The following CNOT2 variants were observed in gnomAD, a reference collection of about 807,000 sequenced individuals.
CNOT2 encodes the protein CCR4-NOT transcription complex subunit 2.
CNOT2 carries 7 observed loss-of-function variants against 72.1 expected under a neutral mutation model. The ratio of observed to expected loss-of-function variants is 0.10; its 90% CI spans 0.06 to 0.18. CNOT2 has a LOEUF of 0.18. Ranked by LOEUF, CNOT2 falls within the 10% of genes least tolerant of loss-of-function variation. CNOT2 has a pLI of 1.00. For missense variants in CNOT2, 345 were observed against 660.3 expected, an observed-to-expected ratio of 0.52 and a Z score of 5.23; for synonymous variants, 196 against 225.6, an observed-to-expected ratio of 0.87 and a Z score of 1.17.
chr12:70,342,165 A>G lies in CNOT2; in HGVS notation c.1237A>G (p.Ile413Val), dbSNP rs777808559. 2.5e-6 allele frequency: 4 copies of G among 1,611,014 alleles called. No homozygotes were observed. The Admixed American group carries it at 5.0e-5, about 20-fold the overall frequency. ...ATCTTCACCTTGTCGACCTCAAGAC[A>G]TAGGTAGGAGAATCTATTTGTGTTT... ...WASSPCRPQD[I>V]DFHVPSEYLT... Residue 413 changes from isoleucine (I) to valine (V), a missense_variant, in exon 12 of 16, where the codon ATA becomes GTA. This residue lies in a region of CNOT2 where 128 missense variants were observed against 233.0 expected (regional missense o/e 0.55). Transcript: ENST00000229195.
In CNOT2 at chr12:70,346,377, G is replaced by A. The variant is rs751508651; in HGVS notation, c.1536+53G>A. The A allele has an allele frequency of 3.4e-6, 5 of 1,458,744 alleles. No homozygotes were observed. The African/African-American group carries it at 5.6e-5, about 16-fold the overall frequency. The allele number at this position is 1,458,744 out of a possible 1,614,324, so 90.4% of individuals were successfully genotyped here. On this transcript the variant is annotated intron_variant, in intron 15 of 15. Coordinates refer to ENST00000229195, the MANE Select transcript of CNOT2 (RefSeq NM_014515.7). ...TAAATCTAAACTTGAAAAAAGAAGT[G>A]TCCTCTTTTATCTGTTTATAAGTAC... is the stretch of plus-strand genomic sequence containing the variant.
rs1015265142 is a variant in CNOT2 at position 70,291,033 on chromosome 12, A to G, written c.48+12759A>G. 1.9e-4 allele frequency among the ~76,000 whole-genome samples: 29 copies of G among 152,202 alleles called. 1 individual carries two copies. The highest frequency in any genetic ancestry group is 7.4e-5 in the Non-Finnish European group (5 of 68,026). On this transcript the variant is annotated intron_variant, in intron 2 of 15. Coordinates refer to ENST00000229195, the MANE Select transcript of CNOT2 (RefSeq NM_014515.7). Reference sequence around the variant, plus strand: ...GAAAAATAAAACAGTACAGGTCAGTAAATGAATTCCAGTTCTTATGTAGAA... The same window carrying G: ...GAAAAATAAAACAGTACAGGTCAGTGAATGAATTCCAGTTCTTATGTAGAA...
intron 8 of CNOT2, chr12:70,336,625 T>C (rs1205139947): frequency 6.6e-6 from 1 of 151,942 alleles, no homozygotes; most frequent in Non-Finnish European, 1.5e-5. Flanking sequence ...AGTTTCCAAA[T>C]TAGTCTCCCC....
intron 1 of CNOT2, among the ~76,000 whole-genome samples, chr12:70,252,300 C>A (rs1337074090): frequency 6.6e-6 from 1 of 152,096 alleles, no homozygotes; most frequent in Non-Finnish European, 1.5e-5. Flanking sequence ...AATCCTCCCA[C>A]CTAAGCCTCC....
At chr12:70,289,478 G>A (rs1480111377) in intron 2 of CNOT2, among the ~76,000 whole-genome samples, 1 of 151,850 alleles carries the variant, frequency 6.6e-6, no homozygotes, top group Admixed American at 6.5e-5. Flanking sequence ...TCTTGAATTT[G>A]TATGTTTATA....
chr12:70,263,545 T>C (rs1958878857), intron 1 of CNOT2, among the ~76,000 whole-genome samples: 1 of 152,170 alleles, frequency 6.6e-6, no homozygotes, highest in South Asian at 2.1e-4. Flanking sequence ...ATAATATCTC[T>C]TTTTTTCTTA....
chr12:70,263,159 G>A (rs528671809), intron 1 of CNOT2, among the ~76,000 whole-genome samples: 2 of 152,096 alleles, frequency 1.3e-5, no homozygotes, highest in African/African-American at 4.8e-5. Context: ...GGCTTCCAAC[G>A]TTTTGTGCTA....
At chr12:70,306,849 G>A (rs1445352731) in intron 2 of CNOT2, among the ~76,000 whole-genome samples, 1 of 152,212 alleles carries the variant, frequency 6.6e-6, no homozygotes, top group Non-Finnish European at 1.5e-5. Flanking sequence ...TTTTGTGAAT[G>A]TGGACCATAC....
intron 1 of CNOT2, among the ~76,000 whole-genome samples, chr12:70,276,412 G>C (rs10879120): frequency 0.21 from 31,544 of 151,794 alleles, 3,637 homozygotes; most frequent in African/African-American, 0.3. Context: ...CTGAAATTTT[G>C]CATTTATTAT....
intron 2 of CNOT2, among the ~76,000 whole-genome samples, chr12:70,302,177 A>G (rs1874146128): frequency 2.0e-5 from 3 of 151,962 alleles, no homozygotes; most frequent in Admixed American, 2.0e-4. Flanking sequence ...TCCTGGATTC[A>G]TTAATTTTTT....
intron 1 of CNOT2, among the ~76,000 whole-genome samples, chr12:70,249,628 T>C (rs190731110): frequency 1.4e-4 from 22 of 152,086 alleles, no homozygotes; most frequent in African/African-American, 5.1e-4. Context: ...TTGCAGATCC[T>C]GGATATTTAA....
chr12:70,260,071 G>T (rs1958674893), intron 1 of CNOT2, among the ~76,000 whole-genome samples: 2 of 152,140 alleles, frequency 1.3e-5, no homozygotes, highest in Middle Eastern at 3.4e-3. Context: ...CTGCAATTTT[G>T]AAAACAGGAA....
At chr12:70,244,822 T>G (rs1957800298) in intron 1 of CNOT2, among the ~76,000 whole-genome samples, 1 of 152,236 alleles carries the variant, frequency 6.6e-6, no homozygotes, top group African/African-American at 2.4e-5. Context: ...AACTTGAATT[T>G]AAGGTTCAAA....
intron 7 of CNOT2, among the ~76,000 whole-genome samples, chr12:70,333,866 C>T (rs1053659918): frequency 5.9e-5 from 9 of 151,844 alleles, no homozygotes; most frequent in Non-Finnish European, 1.2e-4. Flanking sequence ...TCTTTGAAAT[C>T]AGGCTACATC....
At chr12:70,314,475 A>G (rs962101012) in intron 3 of CNOT2, among the ~76,000 whole-genome samples, 3 of 152,170 alleles carry the variant, frequency 2.0e-5, no homozygotes, top group Non-Finnish European at 4.4e-5. Context: ...GACTGTAGAA[A>G]ATAGGTTAGC....
intron 8 of CNOT2, chr12:70,336,522 A>G (rs968089248): frequency 3.9e-5 from 6 of 152,122 alleles, no homozygotes; most frequent in African/African-American, 1.4e-4. Context: ...ATATTTGATC[A>G]CATTTTCAAC....
At chr12:70,345,462 A>G (rs942211130) in intron 14 of CNOT2, 3 of 152,118 alleles carry the variant, frequency 2.0e-5, no homozygotes, top group African/African-American at 4.8e-5. Context: ...TTCTGTTTTC[A>G]TATTTTATTT....
intron 14 of CNOT2, chr12:70,344,534 C>T: frequency 8.2e-6 from 2 of 244,814 alleles, no homozygotes; most frequent in Non-Finnish European, 1.6e-5. Flanking sequence ...ACAGCCTGGG[C>T]AACACAGCAA....
intron 1 of CNOT2, among the ~76,000 whole-genome samples, chr12:70,272,513 T>C (rs575751739): frequency 3.3e-5 from 5 of 152,198 alleles, no homozygotes; most frequent in East Asian, 1.9e-4. Context: ...TACTGAGATA[T>C]TCTCACTTCT....
Sources: allele counts gnomAD v4.1 joint callset (sites outside exome capture counted in the v4.1 genomes callset), GRCh38; gene constraint gnomAD v4.1.1; regional missense constraint gnomAD v4.1.1; transcripts MANE v1.5; gene names NCBI Gene and HGNC (gene_info 2026-07-23, HGNC 2026-07-21).